STK39: variants seen among roughly 807,000 people sequenced by gnomAD.
The protein encoded by STK39 is serine/threonine kinase 39.
STK39 carries 20 observed loss-of-function variants against 77.8 expected under a neutral mutation model. The observed-to-expected ratio is 0.26, with a 90% CI of 0.18 to 0.37. The LOEUF (loss-of-function observed/expected upper bound fraction) is 0.37. Ranked by LOEUF, STK39 falls within the 10% of genes least tolerant of loss-of-function variation. The pLI is 1.00. For missense variants in STK39, 479 were observed against 656.5 expected (o/e 0.73, Z 2.95); for synonymous variants, 246 against 234.1 (o/e 1.05, Z -0.47).
At chr2:168,225,168 C>A (rs1690272495) in intron 1 of STK39, among the ~76,000 whole-genome samples, 1 of 152,142 alleles carries the variant, frequency 6.6e-6, no homozygotes, top group Non-Finnish European at 1.5e-5. Context: ...AACAAAGCAA[C>A]CTTGAGAAAT....
chr2:168,163,300 T>C (rs918124075), intron 4 of STK39, among the ~76,000 whole-genome samples: 1 of 152,206 alleles, frequency 6.6e-6, no homozygotes, highest in Admixed American at 6.5e-5. Flanking sequence ...GTACAATGTT[T>C]GGATAGTCTT....
At chr2:167,994,598 A>C (rs542704933) in intron 16 of STK39, among the ~76,000 whole-genome samples, 3 of 152,226 alleles carry the variant, frequency 2.0e-5, no homozygotes, top group Admixed American at 6.5e-5. Context: ...TCACTCCCCC[A>C]TTCCCACCTC....
chr2:168,003,847 T>C (rs1684059876), intron 16 of STK39, among the ~76,000 whole-genome samples: 1 of 152,246 alleles, frequency 6.6e-6, no homozygotes, highest in Non-Finnish European at 1.5e-5. Flanking sequence ...GACACTATTT[T>C]AATAATGAAT....
At chr2:168,014,442 T>C (rs1684355458) in intron 15 of STK39, among the ~76,000 whole-genome samples, 1 of 151,684 alleles carries the variant, frequency 6.6e-6, no homozygotes, top group Admixed American at 6.6e-5. Flanking sequence ...CCAGTCAGGG[T>C]GACAGAGTGA....
chr2:168,144,819 G>C (rs1189946053), intron 5 of STK39, among the ~76,000 whole-genome samples: 3 of 151,874 alleles, frequency 2.0e-5, no homozygotes, highest in African/African-American at 4.8e-5. Flanking sequence ...TATTTGTCGG[G>C]CATGATAGTT....
intron 10 of STK39, among the ~76,000 whole-genome samples, chr2:168,115,649 A>G (rs547911820): frequency 6.6e-6 from 1 of 152,312 alleles, no homozygotes; most frequent in South Asian, 2.1e-4. Context: ...TGTTGACATA[A>G]AAAGATGTCC....
chr2:168,012,317 C>T (rs569631647), intron 16 of STK39, among the ~76,000 whole-genome samples: 6 of 151,928 alleles, frequency 3.9e-5, no homozygotes, highest in South Asian at 2.1e-4. Context: ...AGATTACGGG[C>T]GTACACCACC....
Position 168,206,919 on chromosome 2 carries a change from G to A in STK39, c.209-24829C>T, listed in dbSNP as rs185522655. Among the ~76,000 whole-genome samples the A allele has an allele frequency of 6.9e-4, 105 of 152,212 alleles. 2 individuals carry two copies. Among genetic ancestry groups the A allele is most frequent in the Non-Finnish European group, 2.8e-4 (19 of 68,018 alleles). The stretch of plus-strand genomic sequence containing the variant: ...TGAGAACACAGGCAGGAAGACTAAT[G>A]GAAACCTCCATTAAAACAAGCTGGG... On this transcript the variant is annotated intron_variant, in intron 1 of 17. Coordinates refer to ENST00000355999, the MANE Select transcript of STK39 (RefSeq NM_013233.3).
At chr2:167,974,259 G>A (rs546344745) in intron 16 of STK39, among the ~76,000 whole-genome samples, 10 of 152,082 alleles carry the variant, frequency 6.6e-5, no homozygotes, top group Non-Finnish European at 8.8e-5. Flanking sequence ...CATCATTTTG[G>A]CTAAATGAAT....
At chr2:168,158,448 T>C (rs1688490174) in intron 5 of STK39, among the ~76,000 whole-genome samples, 1 of 152,166 alleles carries the variant, frequency 6.6e-6, no homozygotes, top group Non-Finnish European at 1.5e-5. Flanking sequence ...TGTTTCAGCC[T>C]GAAGGAGCAA....
chr2:168,009,309 A>G (rs1684210144), intron 16 of STK39, among the ~76,000 whole-genome samples: 1 of 152,196 alleles, frequency 6.6e-6, no homozygotes, highest in African/African-American at 2.4e-5. Flanking sequence ...AGGATTGGTT[A>G]GAGGGAACAA....
intron 14 of STK39, among the ~76,000 whole-genome samples, chr2:168,043,088 C>T (rs1054920378): frequency 5.3e-5 from 8 of 152,150 alleles, no homozygotes; most frequent in South Asian, 2.1e-4. Context: ...CCGTCCCCAC[C>T]GCCCAACTTT....
At chr2:167,991,043 G>C (rs1683688140) in intron 16 of STK39, among the ~76,000 whole-genome samples, 1 of 152,172 alleles carries the variant, frequency 6.6e-6, no homozygotes, top group Admixed American at 6.5e-5. Flanking sequence ...GGACAATCCA[G>C]ATTACCCAGT....
chr2:168,007,362 A>T (rs543108614), intron 16 of STK39, among the ~76,000 whole-genome samples: 1 of 152,292 alleles, frequency 6.6e-6, no homozygotes, highest in East Asian at 1.9e-4. Context: ...TATATATCAA[A>T]ATGGGATTTG....
intron 8 of STK39, among the ~76,000 whole-genome samples, chr2:168,136,031 C>A (rs1687825275): frequency 6.7e-6 from 1 of 149,158 alleles, no homozygotes; most frequent in Non-Finnish European, 1.5e-5. Flanking sequence ...GATATTTAAG[C>A]TCATATAATG....
chr2:168,202,706 CACT>C (rs1689640302), intron 1 of STK39, among the ~76,000 whole-genome samples: 1 of 151,662 alleles, frequency 6.6e-6, no homozygotes, highest in African/African-American at 2.4e-5. Flanking sequence ...TGGATTGGAT[CACT>C]ACAACTTCAG....
chr2:168,006,914 C>T (rs1007976370), intron 16 of STK39, among the ~76,000 whole-genome samples: 1 of 152,152 alleles, frequency 6.6e-6, no homozygotes, highest in African/African-American at 2.4e-5. Flanking sequence ...TTCTGATTCG[C>T]GAAGGTCGGC....
intron 14 of STK39, among the ~76,000 whole-genome samples, chr2:168,055,715 A>T (rs1357006183): frequency 2.0e-5 from 3 of 152,266 alleles, no homozygotes; most frequent in South Asian, 4.1e-4. Context: ...TTAATAATTT[A>T]AGTGATAGAT....
chr2:168,003,372 T>C (rs942664898), intron 16 of STK39, among the ~76,000 whole-genome samples: 1 of 152,256 alleles, frequency 6.6e-6, no homozygotes, highest in South Asian at 2.1e-4. Context: ...TTATATTAGA[T>C]AGTCCAGCCT....
Sources: gnomAD v4.1 joint callset for allele counts (sites outside exome capture counted in the v4.1 genomes callset) on GRCh38, gnomAD v4.1.1 for gene constraint, MANE v1.5 for transcripts, NCBI Gene and HGNC (gene_info 2026-07-23, HGNC 2026-07-21) for gene names.